The following COL19A1 variants were observed in gnomAD, a reference collection of about 807,000 sequenced individuals.
COL19A1 encodes the protein collagen alpha-1(XIX) chain.
A neutral mutation model predicts 190.2 loss-of-function variants in COL19A1; 159 were observed. The ratio of observed to expected loss-of-function variants is 0.84; its 90% CI spans 0.73 to 0.95. The LOEUF (loss-of-function observed/expected upper bound fraction) is 0.95, where lower values mean the gene tolerates loss of function less well. COL19A1 is among the 40% of genes least tolerant of loss of function. COL19A1 has a pLI of 0.00. For synonymous variants in COL19A1, 509 were observed against 458.9 expected, an observed-to-expected ratio of 1.11 and a Z score of -1.39; for missense variants, 1,418 against 1,431.9, an observed-to-expected ratio of 0.99 and a Z score of 0.16.
At chr6:70,147,234 T>C (rs1281875401) in intron 27 of COL19A1, among the ~76,000 whole-genome samples, 4 of 152,184 alleles carry the variant, frequency 2.6e-5, no homozygotes, top group Non-Finnish European at 5.9e-5. Flanking sequence ...CAGCTTGTTT[T>C]TAATTAAGTT....
intron 9 of COL19A1, among the ~76,000 whole-genome samples, chr6:69,953,388 T>G (rs1201073856): frequency 6.6e-6 from 1 of 152,020 alleles, no homozygotes; most frequent in Non-Finnish European, 1.5e-5. Flanking sequence ...TTTGTAAGCC[T>G]ACTTGTTGGC....
rs1436032705 is a variant in COL19A1 at position 69,929,566 on chromosome 6, A to G, written c.532A>G (p.Ile178Val). The G allele has an allele frequency of 2.5e-6, 4 of 1,614,078 alleles. No individual in the cohort carries two copies. The highest frequency in any genetic ancestry group is 3.4e-6 in the Non-Finnish European group (4 of 1,179,978). Residue 178 changes from isoleucine (I) to valine (V), a missense_variant, in exon 6 of 51, where the codon ATA (isoleucine) becomes GTA (valine). Coordinates refer to ENST00000620364, the MANE Select transcript of COL19A1 (RefSeq NM_001858.6). ...DRQWHKLGISIQSQVISLYMD... is the reference protein window; with the variant it reads ...DRQWHKLGISVQSQVISLYMD... The stretch of plus-strand genomic sequence containing the variant: ...TCAGTGGCACAAACTTGGCATTAGT[A>G]TACAATCCCAGGTCATTTCACTTTA...
chr6:70,188,121 G>A lies in COL19A1; in HGVS notation c.2903G>A (p.Gly968Glu). 1.9e-6 allele frequency: 3 copies of A among 1,613,764 alleles called. No homozygotes were observed. Among genetic ancestry groups the A allele is most frequent in the Non-Finnish European group, 2.5e-6 (3 of 1,179,842 alleles). The change falls in exon 47 of 51, where the codon GGA becomes GAA. Residue 968 changes from glycine (G) to glutamate (E), a missense_variant. Coordinates refer to ENST00000620364, the MANE Select transcript of COL19A1 (RefSeq NM_001858.6). ...GACAGAGGCTCACAAGGTGAACGGG[G>A]AAAACCAGGCCTTACAGGCATGAAG... Reference protein sequence around the residue: ...PGDRGSQGERGKPGLTGMKGA... With the variant: ...PGDRGSQGEREKPGLTGMKGA...
intron 41 of COL19A1, among the ~76,000 whole-genome samples, chr6:70,175,448 C>A (rs577047799): frequency 6.6e-6 from 1 of 151,668 alleles, no homozygotes; most frequent in African/African-American, 2.4e-5. Context: ...TTATATAAAT[C>A]TATGTGGAAT....
intron 14 of COL19A1, among the ~76,000 whole-genome samples, chr6:70,053,584 G>A (rs1780331652): frequency 1.3e-5 from 2 of 152,202 alleles, no homozygotes; most frequent in East Asian, 1.9e-4. Context: ...TAGGTAGTTC[G>A]ACCGATTAAC....
In COL19A1 at chr6:69,962,875, A is replaced by G. The variant is rs1331000579; in HGVS notation, c.1026+5A>G. On this transcript the variant is annotated splice_donor_5th_base_variant and intron_variant, in intron 11 of 50. Coordinates refer to ENST00000620364, the MANE Select transcript of COL19A1 (RefSeq NM_001858.6). Reference sequence around the variant, plus strand: ...AAAGGAGAAACTGGTGAAAAGGTAAATATCTCTTTTTACATTCACATCTGT... The same window carrying G: ...AAAGGAGAAACTGGTGAAAAGGTAAGTATCTCTTTTTACATTCACATCTGT... 1 of 1,603,196 alleles carries G rather than the reference A, an allele frequency of 6.2e-7. No individual in the cohort carries two copies. Among genetic ancestry groups the G allele is most frequent in the Non-Finnish European group, 8.5e-7 (1 of 1,172,940 alleles).
rs1485720463 is a variant in COL19A1, at chr6:70,156,503, G to T, written c.2238+134G>T. 1.2e-5 allele frequency: 12 copies of T among 998,328 alleles called. No homozygotes were observed. In the Admixed American group the frequency reaches 2.7e-4, roughly 23 times the overall value. 61.8% of individuals were successfully genotyped at this position (998,328 alleles called of 1,614,324 possible). On this transcript the variant is annotated intron_variant, in intron 33 of 50. Coordinates refer to ENST00000620364, the MANE Select transcript of COL19A1 (RefSeq NM_001858.6). Reference sequence around the variant, plus strand: ...ATGTATGTATGTATATGGAGAGAGAGAGAGAGAGAGAAAGTGATGTAAAAG... The same window carrying T: ...ATGTATGTATGTATATGGAGAGAGATAGAGAGAGAGAAAGTGATGTAAAAG...
chr6:70,060,947 A>T (rs1011838539), intron 14 of COL19A1, among the ~76,000 whole-genome samples: 1 of 152,140 alleles, frequency 6.6e-6, no homozygotes, highest in Non-Finnish European at 1.5e-5. Flanking sequence ...AAGCACACAC[A>T]TAATGACCTT....
At chr6:70,067,753 G>GT (rs889182371) in intron 14 of COL19A1, among the ~76,000 whole-genome samples, 15 of 151,964 alleles carry the variant, frequency 9.9e-5, no homozygotes, top group Middle Eastern at 3.4e-3. Context: ...AACTGCTGAA[G>GT]TTTTTTTTGA....
chr6:69,895,300 A>C (rs1040547476), intron 2 of COL19A1, among the ~76,000 whole-genome samples: 6 of 152,260 alleles, frequency 3.9e-5, no homozygotes, highest in African/African-American at 1.4e-4. Context: ...TAAGCTCAGA[A>C]GTCCAAGGAC....
At chr6:70,063,023 G>A (rs908537854) in intron 14 of COL19A1, among the ~76,000 whole-genome samples, 1 of 151,926 alleles carries the variant, frequency 6.6e-6, no homozygotes, top group Non-Finnish European at 1.5e-5. Context: ...CTCCCATACA[G>A]TAATAATGGG....
intron 48 of COL19A1, among the ~76,000 whole-genome samples, chr6:70,194,384 C>T (rs1463233164): frequency 1.3e-5 from 2 of 152,184 alleles, no homozygotes; most frequent in African/African-American, 4.8e-5. Flanking sequence ...TTCCAGGCCA[C>T]CTAACCTCCC....
intron 9 of COL19A1, among the ~76,000 whole-genome samples, chr6:69,945,175 A>G (rs187018706): frequency 1.5e-3 from 229 of 152,080 alleles, no homozygotes; most frequent in Non-Finnish European, 2.5e-3. Context: ...TTATTTTTCT[A>G]TTATTATCTT....
At chr6:69,877,176 G>C (rs935445578) in intron 1 of COL19A1, among the ~76,000 whole-genome samples, 4 of 152,082 alleles carry the variant, frequency 2.6e-5, no homozygotes, top group African/African-American at 9.7e-5. Context: ...ACATTTATTT[G>C]CATATTTAGA....
chr6:70,183,959 A>G (rs117265304), intron 44 of COL19A1, among the ~76,000 whole-genome samples: 324 of 152,256 alleles, frequency 2.1e-3, no homozygotes, highest in Non-Finnish European at 3.3e-3. Flanking sequence ...TTTCCTTCTT[A>G]TATCTCCCAG....
chr6:69,999,550 T>G (rs527964044), intron 11 of COL19A1, among the ~76,000 whole-genome samples: 2 of 152,062 alleles, frequency 1.3e-5, no homozygotes, highest in East Asian at 3.9e-4. Flanking sequence ...AAATTTTTTT[T>G]GATTACATTT....
intron 4 of COL19A1, among the ~76,000 whole-genome samples, chr6:69,912,925 A>C (rs1257932103): frequency 6.6e-6 from 1 of 152,006 alleles, no homozygotes; most frequent in Non-Finnish European, 1.5e-5. Flanking sequence ...CTGTCTCTAC[A>C]AAATACAAAA....
intron 6 of COL19A1, among the ~76,000 whole-genome samples, chr6:69,932,147 A>G (rs1263002798): frequency 6.6e-6 from 1 of 152,004 alleles, no homozygotes; most frequent in Admixed American, 6.6e-5. Context: ...CTTGAACTAC[A>G]GTTAATTTCA....
At chr6:69,980,243 C>T (rs894361800) in intron 11 of COL19A1, among the ~76,000 whole-genome samples, 3 of 151,902 alleles carry the variant, frequency 2.0e-5, no homozygotes, top group Non-Finnish European at 2.9e-5. Context: ...ATAGACTAAA[C>T]CTGAGAATCT....
Sources: allele counts gnomAD v4.1 joint callset (sites outside exome capture counted in the v4.1 genomes callset), GRCh38; gene constraint gnomAD v4.1.1; transcripts MANE v1.5; gene names NCBI Gene and HGNC (gene_info 2026-07-23, HGNC 2026-07-21).